ANKRD29: variants seen among roughly 807,000 people sequenced by gnomAD.
ANKRD29 encodes ankyrin repeat domain 29.
In ANKRD29, 32 loss-of-function variants were observed where a neutral mutation model predicts 38.0. The ratio of observed to expected loss-of-function variants is 0.84; its 90% CI spans 0.64 to 1.13. ANKRD29 has a LOEUF of 1.13. ANKRD29 is among the 50% of genes most tolerant of loss of function. The pLI is 0.00. For missense variants in ANKRD29, 357 were observed against 377.9 expected (o/e 0.94, Z 0.46); for synonymous variants, 135 against 152.4 (o/e 0.89, Z 0.84).
chr18:23,642,901 G>A (rs1464498659), intron 3 of ANKRD29, among the ~76,000 whole-genome samples: 1 of 152,158 alleles, frequency 6.6e-6, no homozygotes, highest in Non-Finnish European at 1.5e-5. Context: ...AGCATATTGA[G>A]CTACTGTGCA....
rs2059486833 is a variant in ANKRD29 at position 23,599,292 on chromosome 18, ATTTTATGGC to A, written c.*1925_*1933del. The A allele has an allele frequency of 6.6e-6, 1 of 152,204 alleles. No individual in the cohort carries two copies. Among genetic ancestry groups the A allele is most frequent in the Non-Finnish European group, 1.5e-5 (1 of 68,036 alleles). 9.4% of individuals were successfully genotyped at this position (152,204 alleles called of 1,614,324 possible). On this transcript the variant is annotated 3_prime_UTR_variant, in exon 10 of 10. Transcript: ENST00000592179. ...CATATTGTTCAAGCTACTGGCTTCA[ATTTTATGGC>A]TCTAATATTGTTCAAGAACATTACC...
At chr18:23,639,694 T>A (rs1191577019) in intron 3 of ANKRD29, among the ~76,000 whole-genome samples, 1 of 151,904 alleles carries the variant, frequency 6.6e-6, no homozygotes, top group African/African-American at 2.4e-5. Flanking sequence ...CACCCCCACA[T>A]CTGGCTATTT....
At position 23,653,736 on chromosome 18, in the gene ANKRD29, A is replaced by G. The variant is rs561563550; in HGVS notation, c.22-4543T>C. Among the ~76,000 whole-genome samples the G allele has an allele frequency of 1.9e-3, 283 of 151,346 alleles. 1 individual carries two copies. Among genetic ancestry groups the G allele is most frequent in the Non-Finnish European group, 3.0e-3 (202 of 67,850 alleles). On this transcript the variant is annotated intron_variant, in intron 1 of 9. Coordinates refer to ENST00000592179, the MANE Select transcript of ANKRD29 (RefSeq NM_173505.4). The stretch of plus-strand genomic sequence containing the variant: ...TGCCTGACACTGACCATGCCTGGCT[A>G]ATTTTTGTATTTTTGGTAGAGCTAG...
intron 6 of ANKRD29, among the ~76,000 whole-genome samples, chr18:23,624,492 A>AAAAAAAAAAAAAAAAAG (rs2059837200): frequency 6.7e-6 from 1 of 149,410 alleles, no homozygotes; most frequent in Non-Finnish European, 1.5e-5. Context: ...AAAAAAAAAA[A>AAAAAAAAAAAAAAAAAG]AAAAAAAAGG....
intron 8 of ANKRD29, among the ~76,000 whole-genome samples, chr18:23,613,369 G>C (rs1376504264): frequency 6.6e-6 from 1 of 151,222 alleles, no homozygotes; most frequent in African/African-American, 2.4e-5. Context: ...ACAGGGTTTC[G>C]CCATGTTGCC....
At chr18:23,620,189 C>T (rs1037451071) in intron 6 of ANKRD29, among the ~76,000 whole-genome samples, 9 of 152,166 alleles carry the variant, frequency 5.9e-5, no homozygotes, top group African/African-American at 2.2e-4. Flanking sequence ...AGTCATTTCT[C>T]CTACTCTTCT....
In ANKRD29 at chr18:23,656,801, A is replaced by G. The variant is rs2145740604; in HGVS notation, c.21+5909T>C. On this transcript the variant is annotated intron_variant, in intron 1 of 9. Transcript: ENST00000592179. ...GTTTGATAGGATGGGAGGTGGATAGAAGAATGTTGCTAATGCAAATCTCAG... is the reference window on the plus strand; with the variant it reads ...GTTTGATAGGATGGGAGGTGGATAGGAGAATGTTGCTAATGCAAATCTCAG... 1.3e-5 allele frequency among the ~76,000 whole-genome samples: 2 copies of G among 152,344 alleles called. 1 individual carries two copies. The highest frequency in any genetic ancestry group is 4.1e-4 in the South Asian group (2 of 4,820).
At chr18:23,608,729 G>C (rs2059602897) in intron 9 of ANKRD29, among the ~76,000 whole-genome samples, 1 of 152,166 alleles carries the variant, frequency 6.6e-6, no homozygotes, top group African/African-American at 2.4e-5. Context: ...TCAGCTCATG[G>C]TTTGACTCTG....
At position 23,634,110 on chromosome 18, in the gene ANKRD29, G is replaced by A; in HGVS notation, c.370C>T (p.His124Tyr). ...AGCAAGGTCTCCACCACCTGCATGT[G>A]CCCGTACTGACTGGCAGCCAACAGG... ...TALLAASQYG[H>Y]MQVVETLLKH... The change falls in exon 5 of 10, where the codon CAC becomes TAC. Residue 124 changes from histidine (H) to tyrosine (Y), a missense_variant. His to Tyr is a moderately conservative substitution (Grantham distance 83, BLOSUM62 2). Coordinates refer to ENST00000592179, the MANE Select transcript of ANKRD29 (RefSeq NM_173505.4). 6.2e-7 allele frequency: 1 copy of A among 1,614,142 alleles called. No homozygotes were observed. The highest frequency in any genetic ancestry group is 8.5e-7 in the Non-Finnish European group (1 of 1,180,040).
At chr18:23,625,767 G>A (rs2059854700) in intron 6 of ANKRD29, among the ~76,000 whole-genome samples, 1 of 152,076 alleles carries the variant, frequency 6.6e-6, no homozygotes, top group Non-Finnish European at 1.5e-5. Context: ...AAGCAAAATG[G>A]GGCCTCTGTT....
At chr18:23,601,432 A>G (rs1359244399) in intron 9 of ANKRD29, 123 bp from the exon 10 acceptor site, 2 of 671,800 alleles carry the variant, frequency 3.0e-6, no homozygotes, top group Non-Finnish European at 5.3e-6. Context: ...CACTGGACTC[A>G]CTCTTTTATA....
At chr18:23,631,017 G>T (rs1035497521) in intron 5 of ANKRD29, among the ~76,000 whole-genome samples, 3 of 150,788 alleles carry the variant, frequency 2.0e-5, no homozygotes, top group Non-Finnish European at 4.4e-5. Context: ...AGTAAAAGGT[G>T]TCCTTTTAAT....
In ANKRD29 at chr18:23,604,240, C is replaced by T. The variant is rs564302740; in HGVS notation, c.823-2931G>A. On this transcript the variant is annotated intron_variant, in intron 9 of 9. Coordinates refer to ENST00000592179, the MANE Select transcript of ANKRD29 (RefSeq NM_173505.4). ...TGAAAATCCTGACCATAGGTCAAAA[C>T]GACCTTGCCCATAAGTCCTGCCCTT... is the stretch of plus-strand genomic sequence containing the variant. Among the ~76,000 whole-genome samples the T allele has an allele frequency of 1.5e-3, 234 of 152,250 alleles. 1 individual carries two copies. Among genetic ancestry groups the T allele is most frequent in the African/African-American group, 5.3e-3 (221 of 41,556 alleles).
chr18:23,628,246 T>A (rs1250359836), intron 6 of ANKRD29, among the ~76,000 whole-genome samples: 1 of 152,226 alleles, frequency 6.6e-6, no homozygotes, highest in African/African-American at 2.4e-5. Flanking sequence ...AACTTGGGAT[T>A]CCTGACCTCA....
chr18:23,625,004 G>A (rs767776447), intron 6 of ANKRD29, among the ~76,000 whole-genome samples: 7 of 152,134 alleles, frequency 4.6e-5, no homozygotes, highest in Non-Finnish European at 7.4e-5. Context: ...TATCTGAAGC[G>A]GCACTAGCTC....
At chr18:23,645,109 G>A (rs2060121916) in intron 3 of ANKRD29, among the ~76,000 whole-genome samples, 1 of 152,182 alleles carries the variant, frequency 6.6e-6, no homozygotes, top group Non-Finnish European at 1.5e-5. Flanking sequence ...CTGGACCAAG[G>A]AAAACCAAGT....
At chr18:23,622,539 G>T (rs1237442069) in intron 6 of ANKRD29, among the ~76,000 whole-genome samples, 1 of 152,118 alleles carries the variant, frequency 6.6e-6, no homozygotes, top group African/African-American at 2.4e-5. Context: ...GCTAAAAGGT[G>T]CTATATTGTG....
intron 6 of ANKRD29, 57 bp downstream of exon 6, chr18:23,629,796 C>G: frequency 2.0e-6 from 3 of 1,464,774 alleles, no homozygotes; most frequent in Non-Finnish European, 2.8e-6. Flanking sequence ...AGCGGACACC[C>G]AGCCCTCCCT....
At chr18:23,657,345 G>A (rs1006679015) in intron 1 of ANKRD29, among the ~76,000 whole-genome samples, 1 of 152,202 alleles carries the variant, frequency 6.6e-6, no homozygotes, top group Non-Finnish European at 1.5e-5. Flanking sequence ...ATGGAGCCCA[G>A]CTCAGGCTCA....
Sources: allele counts gnomAD v4.1 joint callset (sites outside exome capture counted in the v4.1 genomes callset), GRCh38; gene constraint gnomAD v4.1.1; transcripts MANE v1.5; gene names NCBI Gene and HGNC (gene_info 2026-07-23, HGNC 2026-07-21).